PCDHA11: variants seen among roughly 807,000 people sequenced by gnomAD.
PCDHA11 encodes the protein protocadherin alpha 11, also known as protocadherin alpha-11.
PCDHA11 carries 61 observed loss-of-function variants against 70.3 expected under a neutral mutation model. The observed-to-expected ratio is 0.87, with a 90% CI of 0.71 to 1.07. PCDHA11 has a LOEUF of 1.07. Ranked by LOEUF, PCDHA11 falls within the 50% of genes least tolerant of loss-of-function variation. PCDHA11 has a pLI of 0.00. For missense variants in PCDHA11, 1,324 were observed against 1,237.5 expected (o/e 1.07, Z -1.05); for synonymous variants, 633 against 555.1 (o/e 1.14, Z -1.97).
intron 1 of PCDHA11, among the ~76,000 whole-genome samples, chr5:140,890,661 A>G (rs1384784805): frequency 6.6e-6 from 1 of 152,198 alleles, no homozygotes; most frequent in Non-Finnish European, 1.5e-5. Flanking sequence ...TCAAAAGTTA[A>G]CTGAAACCCT....
At chr5:140,948,849 C>A (rs2094312653) in intron 1 of PCDHA11, among the ~76,000 whole-genome samples, 1 of 151,046 alleles carries the variant, frequency 6.6e-6, no homozygotes, top group Admixed American at 6.6e-5. Flanking sequence ...GTATTATTTG[C>A]CTTCTTATAT....
At chr5:140,968,431 G>A in intron 1 of PCDHA11, 1 of 1,613,980 alleles carries the variant, frequency 6.2e-7, no homozygotes, top group Non-Finnish European at 8.5e-7. Context: ...AGGACAAGGG[G>A]AGCCCACCAC....
In PCDHA11 at chr5:140,870,550, G is replaced by A. The variant is rs371515299; in HGVS notation, c.1447G>A (p.Ala483Thr). The change falls in exon 1 of 4, where the codon GCG becomes ACG. Residue 483 changes from alanine (A) to threonine (T), a missense_variant. Transcript: ENST00000398640. The part of the protein sequence containing the change: ...IFTVSARDAD[A>T]QENALVSYSL... ...CACAGTGTCGGCGCGGGACGCGGAC[G>A]CGCAGGAGAACGCGCTGGTGTCCTA... 3.1e-6 allele frequency: 5 copies of A among 1,614,066 alleles called. No homozygotes were observed. In the African/African-American group the frequency reaches 6.7e-5, roughly 22 times the overall value.
At chr5:140,986,738 G>T (rs1483741648) in intron 3 of PCDHA11, among the ~76,000 whole-genome samples, 1 of 152,168 alleles carries the variant, frequency 6.6e-6, no homozygotes, top group Admixed American at 6.5e-5. Flanking sequence ...AAGACCCCAG[G>T]GGATCTGGGA....
chr5:140,967,774 G>C (rs1447955993), intron 1 of PCDHA11: 3 of 1,614,106 alleles, frequency 1.9e-6, no homozygotes, highest in Non-Finnish European at 1.7e-6. Context: ...TCTATGTGCA[G>C]GCGACTGACC....
chr5:140,920,456 T>C (rs2079640226), intron 1 of PCDHA11, among the ~76,000 whole-genome samples: 1 of 152,192 alleles, frequency 6.6e-6, no homozygotes, highest in African/African-American at 2.4e-5. Flanking sequence ...AATTGACAAA[T>C]TTGTTATATT....
intron 1 of PCDHA11, chr5:140,969,388 A>G: frequency 6.3e-7 from 1 of 1,595,066 alleles, no homozygotes; most frequent in Non-Finnish European, 8.5e-7. Flanking sequence ...CACATCCCCC[A>G]ATATCCTGTG....
chr5:140,889,388 A>C (rs1554183883), intron 1 of PCDHA11, among the ~76,000 whole-genome samples: 1 of 152,070 alleles, frequency 6.6e-6, no homozygotes, highest in African/African-American at 2.4e-5. Context: ...AGGACCATTC[A>C]GAGTTTAATT....
intron 1 of PCDHA11, chr5:140,882,457 G>C: frequency 1.2e-6 from 2 of 1,614,056 alleles, no homozygotes; most frequent in Non-Finnish European, 1.7e-6. Context: ...TGCCGCGCCT[G>C]TTCCGGGTGG....
At chr5:140,894,957 T>C (rs530563833) in intron 1 of PCDHA11, among the ~76,000 whole-genome samples, 1 of 152,206 alleles carries the variant, frequency 6.6e-6, no homozygotes, top group African/African-American at 2.4e-5. Flanking sequence ...ATGATAAAAA[T>C]ATAATTTTTT....
chr5:140,883,403 T>G, intron 1 of PCDHA11: 1 of 1,614,168 alleles, frequency 6.2e-7, no homozygotes, highest in Non-Finnish European at 8.5e-7. Context: ...CGATCGTGAC[T>G]CTGGCTCAAA....
chr5:140,883,580 AC>A, intron 1 of PCDHA11: 1 of 1,613,994 alleles, frequency 6.2e-7, no homozygotes. Flanking sequence ...GCTGTGGGCC[AC>A]GGCCAGCGTG....
At chr5:140,885,832 T>C (rs888778134) in intron 1 of PCDHA11, among the ~76,000 whole-genome samples, 1 of 152,244 alleles carries the variant, frequency 6.6e-6, no homozygotes, top group South Asian at 2.1e-4. Flanking sequence ...TTCTTTGATT[T>C]ATCCATTAAG....
At chr5:140,990,011 G>T (rs1246081885) in intron 3 of PCDHA11, among the ~76,000 whole-genome samples, 1 of 152,074 alleles carries the variant, frequency 6.6e-6, no homozygotes, top group Non-Finnish European at 1.5e-5. Context: ...CAAGGGCGTG[G>T]GCTAGGCAAA....
chr5:140,926,702 G>C (rs2083474783), intron 1 of PCDHA11: 1 of 832,476 alleles, frequency 1.2e-6, no homozygotes, highest in South Asian at 2.8e-5. Context: ...CCGGCTCCCA[G>C]CTGGCCAGCC....
chr5:140,869,375 A>C lies in PCDHA11; in HGVS notation c.272A>C (p.Asp91Ala). ...ATTTTGTTTGTGAATTCTCGGATCG[A>C]CCGCGAGGAGCTGTGCGGGCAGAGC... ...NGILFVNSRI[D>A]REELCGQSAE... is the part of the protein sequence containing the mutation. The change falls in exon 1 of 4, where the codon GAC becomes GCC. Residue 91 changes from aspartate to alanine, a missense_variant. Coordinates refer to ENST00000398640, the MANE Select transcript of PCDHA11 (RefSeq NM_018902.5). The C allele has an allele frequency of 6.2e-7, 1 of 1,614,116 alleles. No individual in the cohort carries two copies. Among genetic ancestry groups the C allele is most frequent in the Non-Finnish European group, 8.5e-7 (1 of 1,180,022 alleles).
At chr5:140,968,353 C>A (rs1377792748) in intron 1 of PCDHA11, 1 of 1,614,106 alleles carries the variant, frequency 6.2e-7, no homozygotes, top group Non-Finnish European at 8.5e-7. Context: ...GTGCCAGTGG[C>A]AGCCTTTATG....
At chr5:140,960,488 GT>G (rs1373763536) in intron 1 of PCDHA11, among the ~76,000 whole-genome samples, 4 of 152,150 alleles carry the variant, frequency 2.6e-5, no homozygotes, top group African/African-American at 9.7e-5. Flanking sequence ...AGAGGTGTAG[GT>G]TTGTTTGTTC....
intron 1 of PCDHA11, chr5:140,882,765 CGG>C: frequency 6.2e-7 from 1 of 1,614,222 alleles, no homozygotes; most frequent in Non-Finnish European, 8.5e-7. Flanking sequence ...GGAGTAAACT[CGG>C]CATTGACCTA....
Sources: allele counts gnomAD v4.1 joint callset (sites outside exome capture counted in the v4.1 genomes callset), GRCh38; gene constraint gnomAD v4.1.1; transcripts MANE v1.5; gene names NCBI Gene and HGNC (gene_info 2026-07-23, HGNC 2026-07-21).